The following CA10 variants were observed in gnomAD, a reference collection of about 807,000 sequenced individuals.
CA10 encodes the protein carbonic anhydrase 10 (inactive).
In CA10, 14 loss-of-function variants were observed where a neutral mutation model predicts 44.2. The observed-to-expected ratio is 0.32, with a 90% CI of 0.21 to 0.50. The LOEUF (loss-of-function observed/expected upper bound fraction) is 0.50. Ranked by LOEUF, CA10 falls within the 20% of genes least tolerant of loss-of-function variation. The pLI is 0.99. For missense variants in CA10, 350 were observed against 409.7 expected (o/e 0.85, Z 1.26); for synonymous variants, 159 against 141.6 (o/e 1.12, Z -0.87).
At chr17:51,814,599 C>G (rs919983340) in intron 3 of CA10, among the ~76,000 whole-genome samples, 1 of 152,162 alleles carries the variant, frequency 6.6e-6, no homozygotes, top group African/African-American at 2.4e-5. Flanking sequence ...TTTCTCTGAA[C>G]ACCTATTAAT....
At chr17:51,980,778 C>T (rs192303354) in intron 2 of CA10, among the ~76,000 whole-genome samples, 2 of 152,118 alleles carry the variant, frequency 1.3e-5, no homozygotes, top group Non-Finnish European at 2.9e-5. Flanking sequence ...ATAGGGAGTC[C>T]TTTCCCCATT....
At chr17:51,939,857 T>G (rs1983010848) in intron 2 of CA10, among the ~76,000 whole-genome samples, 1 of 152,110 alleles carries the variant, frequency 6.6e-6, no homozygotes, top group Non-Finnish European at 1.5e-5. Context: ...TTTTAAACCT[T>G]GTTTTTGATA....
chr17:52,013,744 A>G (rs543740087), intron 2 of CA10, among the ~76,000 whole-genome samples: 2 of 152,068 alleles, frequency 1.3e-5, no homozygotes, highest in Non-Finnish European at 2.9e-5. Flanking sequence ...TCAGAAGTAG[A>G]TTACAGTCAT....
At chr17:51,721,465 A>C (rs1339817226) in intron 4 of CA10, among the ~76,000 whole-genome samples, 1 of 151,864 alleles carries the variant, frequency 6.6e-6, no homozygotes, top group Non-Finnish European at 1.5e-5. Context: ...CTTCCAAGTA[A>C]CTGGGATTAC....
chr17:51,957,686 A>C (rs1983717408), intron 2 of CA10, among the ~76,000 whole-genome samples: 1 of 152,140 alleles, frequency 6.6e-6, no homozygotes, highest in Admixed American at 6.6e-5. Context: ...AAAATAATAC[A>C]ACTTAGTTCA....
intron 2 of CA10, among the ~76,000 whole-genome samples, chr17:51,973,164 T>A (rs551857334): frequency 1.3e-5 from 2 of 152,322 alleles, no homozygotes; most frequent in South Asian, 4.1e-4. Context: ...GTTAATATTT[T>A]CAGACATGGA....
At chr17:51,896,955 A>G (rs897973233) in intron 3 of CA10, among the ~76,000 whole-genome samples, 2 of 151,784 alleles carry the variant, frequency 1.3e-5, no homozygotes, top group Admixed American at 6.6e-5. Flanking sequence ...AGTTGCTTGT[A>G]GATGCTGGGA....
chr17:52,016,575 A>G (rs1004091689), intron 2 of CA10, among the ~76,000 whole-genome samples: 1 of 152,048 alleles, frequency 6.6e-6, no homozygotes, highest in East Asian at 1.9e-4. Context: ...CCTCAAGGTA[A>G]TGAGTGAGTT....
At chr17:51,979,572 C>T (rs203057) in intron 2 of CA10, among the ~76,000 whole-genome samples, 127,135 of 152,112 alleles carry the variant, frequency 0.84, 53,339 homozygotes, top group East Asian at 0.95. Flanking sequence ...TAAGTTAGAA[C>T]ACATGGTATT....
intron 2 of CA10, among the ~76,000 whole-genome samples, chr17:52,049,210 G>C (rs1986993212): frequency 6.6e-6 from 1 of 152,020 alleles, no homozygotes; most frequent in Non-Finnish European, 1.5e-5. Flanking sequence ...CTGAATCCAG[G>C]TGTGACCACA....
chr17:51,817,500 C>T (rs1295969489), intron 3 of CA10, among the ~76,000 whole-genome samples: 1 of 152,212 alleles, frequency 6.6e-6, no homozygotes, highest in Non-Finnish European at 1.5e-5. Flanking sequence ...ATGCTACCCT[C>T]CTCAGGCTCA....
intron 2 of CA10, among the ~76,000 whole-genome samples, chr17:52,046,273 CTTTT>C (rs569906170): frequency 3.4e-3 from 509 of 149,498 alleles, no homozygotes; most frequent in African/African-American, 0.012. Context: ...AAGAACTGTT[CTTTT>C]GAGAAATTGA....
intron 2 of CA10, among the ~76,000 whole-genome samples, chr17:51,982,375 G>A (rs1984680759): frequency 6.6e-6 from 1 of 151,890 alleles, no homozygotes; most frequent in South Asian, 2.1e-4. Flanking sequence ...TGTGCAATCA[G>A]GGTCTATCCA....
At chr17:52,097,167 C>T (rs1988423962) in intron 1 of CA10, among the ~76,000 whole-genome samples, 1 of 151,742 alleles carries the variant, frequency 6.6e-6, no homozygotes, top group Admixed American at 6.6e-5. Flanking sequence ...GTAGAGTATG[C>T]CTATCTTGGA....
intron 3 of CA10, among the ~76,000 whole-genome samples, chr17:51,862,770 G>A (rs1979370600): frequency 6.6e-6 from 1 of 151,716 alleles, no homozygotes; most frequent in Non-Finnish European, 1.5e-5. Context: ...TTCTCTGTGT[G>A]TTTGTGTGTA....
intron 2 of CA10, among the ~76,000 whole-genome samples, chr17:52,020,925 G>C (rs772299765): frequency 1.3e-5 from 2 of 151,898 alleles, no homozygotes; most frequent in Non-Finnish European, 2.9e-5. Flanking sequence ...TTTTGTGTTA[G>C]TTTGCTTAGT....
At chr17:52,007,324 A>T (rs1035257653) in intron 2 of CA10, among the ~76,000 whole-genome samples, 2 of 151,692 alleles carry the variant, frequency 1.3e-5, no homozygotes, top group African/African-American at 4.8e-5. Context: ...ACCTGTCTTT[A>T]ATGGAAAAAT....
At chr17:51,964,686 G>A (rs529635168) in intron 2 of CA10, among the ~76,000 whole-genome samples, 1 of 151,456 alleles carries the variant, frequency 6.6e-6, no homozygotes, top group East Asian at 1.9e-4. Context: ...CAAATTTAAT[G>A]CCAAAGTCAA....
intron 1 of CA10, among the ~76,000 whole-genome samples, chr17:52,126,768 G>A (rs977530221): frequency 3.3e-5 from 5 of 151,978 alleles, no homozygotes; most frequent in African/African-American, 1.2e-4. Flanking sequence ...TGAAACTTAG[G>A]AATCAAATTT....
Sources: allele counts gnomAD v4.1 joint callset (sites outside exome capture counted in the v4.1 genomes callset), GRCh38; gene constraint gnomAD v4.1.1; transcripts MANE v1.5; gene names NCBI Gene and HGNC (gene_info 2026-07-23, HGNC 2026-07-21).